Variants in IQUB observed in about 807,000 individuals in gnomAD.
The protein encoded by IQUB is IQ motif and ubiquitin-like domain-containing protein.
IQUB carries 86 observed loss-of-function variants against 86.4 expected under a neutral mutation model. The ratio of observed to expected loss-of-function variants is 1.00; its 90% CI spans 0.84 to 1.19. The LOEUF is 1.19. IQUB is among the 50% of genes most tolerant of loss of function. The probability of loss-of-function intolerance (pLI) is 0.00; values close to 1 mark genes in which losing one functional copy is unlikely to be tolerated. For missense variants in IQUB, 946 were observed against 916.9 expected, an observed-to-expected ratio of 1.03 and a Z score of -0.41; for synonymous variants, 289 against 304.5, an observed-to-expected ratio of 0.95 and a Z score of 0.53.
chr7:123,453,735 C>T (rs1793560165), intron 12 of IQUB, among the ~76,000 whole-genome samples: 2 of 152,066 alleles, frequency 1.3e-5, no homozygotes, highest in African/African-American at 2.4e-5. Flanking sequence ...AAACTAAACC[C>T]ACATTTGATT....
chr7:123,522,807 C>G (rs1208043692), intron 1 of IQUB, among the ~76,000 whole-genome samples: 14 of 151,312 alleles, frequency 9.3e-5, no homozygotes. Flanking sequence ...CACCCATTAA[C>G]TCGTCATCTA....
At chr7:123,458,998 T>C (rs1469078623) in intron 11 of IQUB, among the ~76,000 whole-genome samples, 1 of 151,994 alleles carries the variant, frequency 6.6e-6, no homozygotes, top group Admixed American at 6.6e-5. Flanking sequence ...AGATTTACTA[T>C]TTATGAGAAT....
chr7:123,532,876 AG>A (rs1797605595), intron 1 of IQUB: 1 of 152,310 alleles, frequency 6.6e-6, no homozygotes, highest in Non-Finnish European at 1.5e-5. Flanking sequence ...GACCCCGAAA[AG>A]GCCCCCAAGC....
chr7:123,496,595 T>C (rs1379784096), intron 7 of IQUB, 101 bp downstream of exon 7: 2 of 656,532 alleles, frequency 3.0e-6, no homozygotes, highest in African/African-American at 3.7e-5. Flanking sequence ...CCAAGACATC[T>C]CCCTAAAATA....
At chr7:123,475,505 G>A (rs948357411) in intron 8 of IQUB, among the ~76,000 whole-genome samples, 1 of 150,514 alleles carries the variant, frequency 6.6e-6, no homozygotes, top group African/African-American at 2.4e-5. Flanking sequence ...ATCCATTTAT[G>A]GATACTCCAT....
intron 7 of IQUB, among the ~76,000 whole-genome samples, chr7:123,492,212 T>C (rs1247327847): frequency 1.3e-5 from 2 of 152,218 alleles, no homozygotes; most frequent in Non-Finnish European, 2.9e-5. Context: ...CATTTTGTTA[T>C]AGTAGCCTGA....
intron 2 of IQUB, among the ~76,000 whole-genome samples, chr7:123,511,393 T>G (rs1190448318): frequency 2.0e-5 from 3 of 152,198 alleles, no homozygotes; most frequent in African/African-American, 7.2e-5. Flanking sequence ...CTGTATGCTA[T>G]CAACATTATT....
chr7:123,489,122 G>C (rs1302216456), intron 7 of IQUB, among the ~76,000 whole-genome samples: 6 of 152,180 alleles, frequency 3.9e-5, no homozygotes, highest in African/African-American at 1.2e-4. Flanking sequence ...TGCAGGAGTG[G>C]AAGTGGGATG....
At chr7:123,524,901 T>G (rs1228739254) in intron 1 of IQUB, among the ~76,000 whole-genome samples, 1 of 151,762 alleles carries the variant, frequency 6.6e-6, no homozygotes, top group Non-Finnish European at 1.5e-5. Context: ...TTGAGAGTTT[T>G]TAGCATGAAG....
Position 123,527,994 on chromosome 7 carries a change from C to CG in IQUB, c.-5+6497dup, listed in dbSNP as rs1797335895. Among the ~76,000 whole-genome samples the CG allele has an allele frequency of 2.0e-5, 3 of 152,342 alleles. No individual in the cohort carries two copies. In the South Asian group the frequency reaches 6.2e-4, roughly 32 times the overall value. ...TCCGTGGGCGTAGGACCCTCCGAGC[C>CG]GGGTGGGGGATATAATCTCCTGGTC... is the stretch of plus-strand genomic sequence containing the variant. On this transcript the variant is annotated intron_variant, in intron 1 of 12. Coordinates refer to ENST00000324698, the MANE Select transcript of IQUB (RefSeq NM_178827.5).
chr7:123,496,647 T>A, intron 7 of IQUB, 49 bp downstream of exon 7: 1 of 1,119,932 alleles, frequency 8.9e-7, no homozygotes, highest in Non-Finnish European at 1.3e-6. Flanking sequence ...GTTTTTCCTA[T>A]TAATGAAGAA....
At chr7:123,478,078 T>C (rs1005814969) in intron 8 of IQUB, among the ~76,000 whole-genome samples, 1 of 152,132 alleles carries the variant, frequency 6.6e-6, no homozygotes, top group African/African-American at 2.4e-5. Flanking sequence ...GACTTAGTGA[T>C]CCCATTAGTG....
At position 123,526,192 on chromosome 7, in the gene IQUB, T is replaced by C. The variant is rs1036694925; in HGVS notation, c.-5+8300A>G. Among the ~76,000 whole-genome samples the C allele has an allele frequency of 4.9e-4, 75 of 152,178 alleles. 1 individual carries two copies. Among genetic ancestry groups the C allele is most frequent in the African/African-American group, 1.8e-3 (74 of 41,506 alleles). ...ATGTATATTCTGTTGATTTGGGGTGTAGAGTTCTGTAGATGTCTATTAAGT... is the reference window on the plus strand; with the variant it reads ...ATGTATATTCTGTTGATTTGGGGTGCAGAGTTCTGTAGATGTCTATTAAGT... On this transcript the variant is annotated intron_variant, in intron 1 of 12. Transcript: ENST00000324698.
At chr7:123,529,141 A>C (rs4731110) in intron 1 of IQUB, among the ~76,000 whole-genome samples, 25,586 of 152,132 alleles carry the variant, frequency 0.17, 2,375 homozygotes, top group South Asian at 0.26. Flanking sequence ...AGGGGATAAA[A>C]TAAGAAGTAA....
At chr7:123,522,329 T>G (rs1420012068) in intron 1 of IQUB, among the ~76,000 whole-genome samples, 2 of 152,220 alleles carry the variant, frequency 1.3e-5, no homozygotes, top group East Asian at 1.9e-4. Flanking sequence ...ATGTGTCCTT[T>G]GACCCAGCAT....
chr7:123,461,637 T>A, intron 10 of IQUB, 32 bp from the exon 11 acceptor site: 1 of 1,509,400 alleles, frequency 6.6e-7, no homozygotes. Context: ...AAAAAAAAGG[T>A]CTAAAAAGCC....
At chr7:123,515,641 A>G (rs1796604998) in intron 1 of IQUB, among the ~76,000 whole-genome samples, 1 of 152,162 alleles carries the variant, frequency 6.6e-6, no homozygotes. Context: ...CAAACACATA[A>G]AAATAAGCTC....
At chr7:123,521,920 G>A (rs1475903346) in intron 1 of IQUB, among the ~76,000 whole-genome samples, 1 of 152,098 alleles carries the variant, frequency 6.6e-6, no homozygotes, top group African/African-American at 2.4e-5. Context: ...ATGCAGTACA[G>A]TGATTCTCAG....
intron 1 of IQUB, among the ~76,000 whole-genome samples, chr7:123,527,002 C>CT (rs1289787574): frequency 2.6e-5 from 4 of 152,098 alleles, no homozygotes; most frequent in East Asian, 1.9e-4. Flanking sequence ...AAATTCTTTT[C>CT]TTTAAGAATG....
Sources: gnomAD v4.1 joint callset for allele counts (sites outside exome capture counted in the v4.1 genomes callset) on GRCh38, gnomAD v4.1.1 for gene constraint, MANE v1.5 for transcripts, NCBI Gene and HGNC (gene_info 2026-07-23, HGNC 2026-07-21) for gene names.